Variants in PLCD3 observed in about 807,000 individuals in gnomAD.
The protein encoded by PLCD3 is 1-phosphatidylinositol 4,5-bisphosphate phosphodiesterase delta-3.
Under a neutral mutation model 82.8 loss-of-function variants are expected in PLCD3, and 62 were observed. That is an observed-to-expected ratio of 0.75 (90% CI 0.61 to 0.93). The LOEUF is 0.93. PLCD3 is among the 40% of genes least tolerant of loss of function. The pLI, the probability that PLCD3 is intolerant of heterozygous loss-of-function variation, is 0.00. For synonymous variants in PLCD3, 478 were observed against 471.8 expected, an observed-to-expected ratio of 1.01 and a Z score of -0.17; for missense variants, 1,023 against 1,103.4, an observed-to-expected ratio of 0.93 and a Z score of 1.03.
chr17:45,117,275 T>C (rs185781966), intron 7 of PLCD3, among the ~76,000 whole-genome samples: 75 of 152,170 alleles, frequency 4.9e-4, no homozygotes, highest in African/African-American at 1.8e-3. Flanking sequence ...TATGCTTTGG[T>C]CTCTCTCCAT....
In PLCD3 at chr17:45,121,043, C is replaced by T; in HGVS notation, c.413G>A (p.Cys138Tyr). 6.5e-7 allele frequency: 1 copy of T among 1,540,098 alleles called. No homozygotes were observed. Among genetic ancestry groups the T allele is most frequent in the Non-Finnish European group, 8.7e-7 (1 of 1,150,678 alleles). The change falls in exon 3 of 15, where the codon TGC (cysteine) becomes TAC (tyrosine). Residue 138 changes from cysteine to tyrosine, a missense_variant. By Grantham distance (194) the Cys-to-Tyr change is radical. Coordinates refer to ENST00000619929, the MANE Select transcript of PLCD3 (RefSeq NM_133373.5). ...RFGGAFAPAR[C>Y]LTIAFKGRRK... ...GCGGCCCTTGAAGGCGATGGTGAGG[C>T]AGCGCGCTGGCGCGAAGGCACCCCC...
intron 1 of PLCD3, among the ~76,000 whole-genome samples, chr17:45,131,093 C>T (rs1340612735): frequency 1.3e-5 from 2 of 152,234 alleles, no homozygotes; most frequent in African/African-American, 4.8e-5. Context: ...CCAATGCATG[C>T]ACAGTTGAAT....
At position 45,118,854 on chromosome 17, in the gene PLCD3, C is replaced by G. The variant is rs553438771; in HGVS notation, c.874G>C (p.Ala292Pro). The change falls in exon 5 of 15, where the codon GCC becomes CCC. Residue 292 changes from alanine (A) to proline (P), a missense_variant. Coordinates refer to ENST00000619929, the MANE Select transcript of PLCD3 (RefSeq NM_133373.5). The surrounding 1 kb of genome is among the most constrained non-coding windows in gnomAD (Gnocchi z 4.1). Reference protein sequence around the residue: ...QGEEGATLARAQQLIQTYELN... With the variant: ...QGEEGATLARPQQLIQTYELN... The stretch of plus-strand genomic sequence containing the variant: ...TCATAGGTCTGAATGAGCTGCTGGG[C>G]GCGGGCCAGTGTGGCGCCCTCCTCG... 5 of 1,611,452 alleles carry G rather than the reference C, an allele frequency of 3.1e-6. No individual in the cohort carries two copies. The highest frequency in any genetic ancestry group is 4.2e-6 in the Non-Finnish European group (5 of 1,179,754).
At position 45,121,038 on chromosome 17, in the gene PLCD3, T is replaced by C. The variant is rs1348766352; in HGVS notation, c.418A>G (p.Thr140Ala). 2.6e-6 allele frequency: 4 copies of C among 1,540,098 alleles called. No homozygotes were observed. Among genetic ancestry groups the C allele is most frequent in the Non-Finnish European group, 3.5e-6 (4 of 1,150,690 alleles). ...TTGCGGCGGCCCTTGAAGGCGATGG[T>C]GAGGCAGCGCGCTGGCGCGAAGGCA... The part of the protein sequence containing the change: ...GGAFAPARCL[T>A]IAFKGRRKNL... Residue 140 changes from threonine to alanine, a missense_variant, in exon 3 of 15, where the codon ACC becomes GCC. Thr to Ala is a moderately conservative substitution (Grantham distance 58). This residue lies in a region of PLCD3 where 448 missense variants were observed against 406.3 expected (regional missense o/e 1.10). Transcript: ENST00000619929.
In PLCD3 at chr17:45,115,231, G is replaced by C; in HGVS notation, c.1574C>G (p.Ser525Cys). ...CACAGCCAGGGCCGACAGCTCCGGG[G>C]AGATCTGCTTGGCCTAGGAGACCAG... ...AAQRRLAKQI[S>C]PELSALAVYC... is the part of the protein sequence containing the mutation. The change falls in exon 10 of 15, where the codon TCC (serine) becomes TGC (cysteine). Residue 525 changes from serine to cysteine, a missense_variant. By Grantham distance (112) the Ser-to-Cys change is moderately radical. This residue lies in a region of PLCD3 where 553 missense variants were observed against 655.7 expected (regional missense o/e 0.84). Transcript: ENST00000619929. The C allele has an allele frequency of 6.4e-7, 1 of 1,566,182 alleles. No homozygotes were observed. The highest frequency in any genetic ancestry group is 1.3e-5 in the African/African-American group (1 of 74,272).
chr17:45,120,367 G>C lies in PLCD3; in HGVS notation c.642C>G (p.Val214=). The C allele has an allele frequency of 6.2e-7, 1 of 1,614,020 alleles. No homozygotes were observed. Among genetic ancestry groups the C allele is most frequent in the South Asian group, 1.1e-5 (1 of 91,084 alleles). ...CGTACATGTCGTTCATGTCCACGTT[G>C]ACCATTCTCAGCAGGCTCTTGATCT... ...FKEIKSLLRM[V]NVDMNDMYAY... Residue 214 remains valine (V), a synonymous_variant, in exon 4 of 15, where the codon GTC becomes GTG. Transcript: ENST00000619929.
chr17:45,116,762 A>G lies in PLCD3; in HGVS notation c.1283T>C (p.Leu428Pro). The change falls in exon 8 of 15, where the codon CTA becomes CCA. Residue 428 changes from leucine (L) to proline (P), a missense_variant. By Grantham distance (98) the Leu-to-Pro change is moderately conservative. Coordinates refer to ENST00000619929, the MANE Select transcript of PLCD3 (RefSeq NM_133373.5). ...CAGCCCGCAGTGGTTCTCCAGGGAT[A>G]GGATGACAGGGTAAGGGGACAGCTG... is the stretch of plus-strand genomic sequence containing the variant. Reference protein sequence around the residue: ...AFTLSPYPVILSLENHCGLEQ... With the variant: ...AFTLSPYPVIPSLENHCGLEQ... The G allele has an allele frequency of 6.2e-7, 1 of 1,605,904 alleles. No homozygotes were observed. Among genetic ancestry groups the G allele is most frequent in the Non-Finnish European group, 8.5e-7 (1 of 1,175,498 alleles).
In PLCD3 at chr17:45,121,377, C is replaced by G. The variant is rs1337718127; in HGVS notation, c.164-5G>C. ...CGTCCTCGTCCTCCGTCAGGCCTGG[C>G]GGGGCGGGAGGACCCGGGGCGTCAG... On this transcript the variant is annotated splice_polypyrimidine_tract_variant and splice_region_variant and intron_variant, in intron 1 of 14. Coordinates refer to ENST00000619929, the MANE Select transcript of PLCD3 (RefSeq NM_133373.5). 2 of 1,502,458 alleles carry G rather than the reference C, an allele frequency of 1.3e-6. No homozygotes were observed. The highest frequency in any genetic ancestry group is 1.3e-5 in the South Asian group (1 of 78,688). The allele number at this position is 1,502,458 out of a possible 1,614,324, so 93.1% of individuals were successfully genotyped here.
rs1254851863 is a variant in PLCD3, at chr17:45,118,711, G to A, written c.913+104C>T. On this transcript the variant is annotated intron_variant, in intron 5 of 14. Transcript: ENST00000619929. The surrounding 1 kb of genome is among the most constrained non-coding windows in gnomAD (Gnocchi z 4.1). ...GGAAGCTGAGTCTGGAGGAGGTGAG[G>A]TAACCTGCCCGAGATGATGCCCGCG... 13 of 1,265,586 alleles carry A rather than the reference G, an allele frequency of 1.0e-5. 1 individual carries two copies. Among genetic ancestry groups the A allele is most frequent in the Admixed American group, 2.4e-5 (1 of 42,434 alleles). 78.4% of individuals were successfully genotyped at this position (1,265,586 alleles called of 1,614,324 possible). A position where few individuals can be genotyped will look rare whatever the true frequency, so the allele number is the denominator to read the frequency against.
intron 7 of PLCD3, among the ~76,000 whole-genome samples, chr17:45,117,110 A>G (rs959162830): frequency 1.3e-5 from 2 of 151,942 alleles, no homozygotes; most frequent in Non-Finnish European, 2.9e-5. Flanking sequence ...ACACCCGGCT[A>G]ATTTTTGTAT....
At chr17:45,131,436 T>C (rs1234851415) in intron 1 of PLCD3, among the ~76,000 whole-genome samples, 1 of 152,182 alleles carries the variant, frequency 6.6e-6, no homozygotes, top group African/African-American at 2.4e-5. Context: ...CGGGTCCCAC[T>C]TTTCCCAGAC....
In PLCD3 at chr17:45,118,732, C is replaced by G; in HGVS notation, c.913+83G>C. On this transcript the variant is annotated intron_variant, in intron 5 of 14. Transcript: ENST00000619929. This position sits in a 1 kb window ranked among gnomAD's most constrained non-coding sequence, Gnocchi z 4.1. ...TGAGGTAACCTGCCCGAGATGATGC[C>G]CGCGCCAGCCCGCAGCAGAACCCGC... The G allele has an allele frequency of 7.1e-7, 1 of 1,401,802 alleles. No homozygotes were observed. Among genetic ancestry groups the G allele is most frequent in the Non-Finnish European group, 9.6e-7 (1 of 1,042,716 alleles). 86.8% of individuals were successfully genotyped at this position (1,401,802 alleles called of 1,614,324 possible).
In PLCD3 at chr17:45,118,732, C is replaced by T; in HGVS notation, c.913+83G>A. 1 of 1,401,800 alleles carries T rather than the reference C, an allele frequency of 7.1e-7. No homozygotes were observed. Among genetic ancestry groups the T allele is most frequent in the Non-Finnish European group, 9.6e-7 (1 of 1,042,714 alleles). 86.8% of individuals were successfully genotyped at this position (1,401,800 alleles called of 1,614,324 possible). On this transcript the variant is annotated intron_variant, in intron 5 of 14. Coordinates refer to ENST00000619929, the MANE Select transcript of PLCD3 (RefSeq NM_133373.5). The surrounding 1 kb of genome is among the most constrained non-coding windows in gnomAD (Gnocchi z 4.1). The stretch of plus-strand genomic sequence containing the variant: ...TGAGGTAACCTGCCCGAGATGATGC[C>T]CGCGCCAGCCCGCAGCAGAACCCGC...
At chr17:45,116,897 A>G (rs981799286) in intron 7 of PLCD3, 113 bp from the exon 8 acceptor site, 19 of 1,335,244 alleles carry the variant, frequency 1.4e-5, no homozygotes, top group Middle Eastern at 1.9e-4. Flanking sequence ...GCTCTGGAGA[A>G]CCCAGGGAAG....
chr17:45,132,485 G>A lies in PLCD3; in HGVS notation c.-75C>T, dbSNP rs1321903984. ...GGCAGCGGGGCGCCGCTCTGGCCCG[G>A]CCCCGGCTCTGAGCGAGGCGGCGAG... is the stretch of plus-strand genomic sequence containing the variant. On this transcript the variant is annotated 5_prime_UTR_variant, in exon 1 of 15. Coordinates refer to ENST00000619929, the MANE Select transcript of PLCD3 (RefSeq NM_133373.5). This position sits in a 1 kb window ranked among gnomAD's most constrained non-coding sequence, Gnocchi z 4.6. The A allele has an allele frequency of 1.1e-6, 1 of 947,056 alleles. No homozygotes were observed. Among genetic ancestry groups the A allele is most frequent in the Non-Finnish European group, 1.3e-6 (1 of 760,944 alleles). 58.7% of individuals were successfully genotyped at this position (947,056 alleles called of 1,614,324 possible). A position where few individuals can be genotyped will look rare whatever the true frequency, so the allele number is the denominator to read the frequency against.
At position 45,120,455 on chromosome 17, in the gene PLCD3, G is replaced by T; in HGVS notation, c.555-1C>A. 6.2e-7 allele frequency: 1 copy of T among 1,613,950 alleles called. No homozygotes were observed. Among genetic ancestry groups the T allele is most frequent in the Non-Finnish European group, 8.5e-7 (1 of 1,179,854 alleles). ...CCGGTGCAGATAGGAGTGGATCCAG[G>T]TGTGGGTGCTCAGGAAATAACAGCA... On this transcript the variant is annotated splice_acceptor_variant, in intron 3 of 14. Transcript: ENST00000619929. LOFTEE classifies it high-confidence loss of function.
At chr17:45,114,442 G>T (rs933405682) in intron 10 of PLCD3, 76 bp from the exon 11 acceptor site, 47 of 1,218,224 alleles carry the variant, frequency 3.9e-5, no homozygotes, top group Non-Finnish European at 4.8e-5. Context: ...TAACCTCCAG[G>T]GAACAGAGCC....
chr17:45,121,382 C>A lies in PLCD3; in HGVS notation c.164-10G>T. 6.7e-7 allele frequency: 1 copy of A among 1,493,598 alleles called. No homozygotes were observed. Among genetic ancestry groups the A allele is most frequent in the South Asian group, 1.3e-5 (1 of 77,128 alleles). The allele number at this position is 1,493,598 out of a possible 1,614,324, so 92.5% of individuals were successfully genotyped here. A position where few individuals can be genotyped will look rare whatever the true frequency, so the allele number is the denominator to read the frequency against. On this transcript the variant is annotated splice_polypyrimidine_tract_variant and intron_variant, in intron 1 of 14. Coordinates refer to ENST00000619929, the MANE Select transcript of PLCD3 (RefSeq NM_133373.5). ...TCGTCCTCCGTCAGGCCTGGCGGGG[C>A]GGGAGGACCCGGGGCGTCAGGCCGT...
In PLCD3 at chr17:45,115,501, C is replaced by T; in HGVS notation, c.1414-11G>A. ...CCGGCCCTTCAGCTGCTGTGGGGGC[C>T]AACGTGGAGGATGAAGGGTTAGGCC... On this transcript the variant is annotated splice_polypyrimidine_tract_variant and intron_variant, in intron 8 of 14. Coordinates refer to ENST00000619929, the MANE Select transcript of PLCD3 (RefSeq NM_133373.5). 1 of 1,602,800 alleles carries T rather than the reference C, an allele frequency of 6.2e-7. No individual in the cohort carries two copies. Among genetic ancestry groups the T allele is most frequent in the Non-Finnish European group, 8.5e-7 (1 of 1,174,858 alleles).
Sources: gnomAD v4.1 joint callset for allele counts (sites outside exome capture counted in the v4.1 genomes callset) on GRCh38, gnomAD v4.1.1 for gene constraint, gnomAD v4.1.1 regional missense constraint, Gnocchi (gnomAD v3.1) non-coding constraint, MANE v1.5 for transcripts, NCBI Gene and HGNC (gene_info 2026-07-23, HGNC 2026-07-21) for gene names.